KIR3DL2: variants seen among roughly 807,000 people sequenced by gnomAD.
KIR3DL2 encodes killer cell immunoglobulin like receptor, three Ig domains and long cytoplasmic tail 2.
A neutral mutation model predicts 41.6 loss-of-function variants in KIR3DL2; 42 were observed. That is an observed-to-expected ratio of 1.01 (90% confidence interval 0.79 to 1.31). The LOEUF (loss-of-function observed/expected upper bound fraction) is 1.31, where lower values mean the gene tolerates loss of function less well. KIR3DL2 is among the 50% of genes most tolerant of loss of function. The probability of loss-of-function intolerance (pLI) is 0.00; values close to 1 mark genes in which losing one functional copy is unlikely to be tolerated. For missense variants in KIR3DL2, 728 were observed against 576.8 expected (o/e 1.26, Z -2.68); for synonymous variants, 230 against 221.3 (o/e 1.04, Z -0.35).
At chr19:54,858,782 C>T (rs201949114) in intron 5 of KIR3DL2, among the ~76,000 whole-genome samples, 5,627 of 151,980 alleles carry the variant, frequency 0.037, 291 homozygotes, top group African/African-American at 0.12. Flanking sequence ...TCTGTGTTCT[C>T]CATTCTGTTC....
chr19:54,866,249 GATGT>G (rs2065505093), intron 7 of KIR3DL2, 117 bp from the exon 8 acceptor site: 1 of 950,278 alleles, frequency 1.1e-6, no homozygotes, highest in Non-Finnish European at 1.7e-6. Flanking sequence ...TCTGAGTCTG[GATGT>G]TGGCAGCTGA....
intron 3 of KIR3DL2, 49 bp from the exon 4 acceptor site, chr19:54,853,698 T>A (rs2064484883): frequency 6.3e-7 from 1 of 1,582,964 alleles, no homozygotes; most frequent in Admixed American, 1.7e-5. Context: ...GTGCCATGGA[T>A]GGGATGATAA....
At chr19:54,865,676 G>A in intron 6 of KIR3DL2, 129 bp from the exon 7 acceptor site, 1 of 773,580 alleles carries the variant, frequency 1.3e-6, no homozygotes, top group South Asian at 1.6e-5. Flanking sequence ...AGAAAGCTGG[G>A]TCTCCCGCCA....
At chr19:54,858,944 GAGAA>G in intron 5 of KIR3DL2, 131 bp from the exon 6 acceptor site, 3 of 990,716 alleles carry the variant, frequency 3.0e-6, no homozygotes, top group Non-Finnish European at 4.7e-6. Context: ...AAAAATTATG[GAGAA>G]AAGGATCCCA....
At chr19:54,857,542 A>ATTTATTTATTTATTT (rs1569523841) in intron 5 of KIR3DL2, among the ~76,000 whole-genome samples, 2 of 147,738 alleles carry the variant, frequency 1.4e-5, no homozygotes, top group African/African-American at 5.0e-5. Flanking sequence ...ATTTTACTTT[A>ATTTATTTATTTATTT]CTTTATTTAT....
At chr19:54,858,489 G>A (rs1291665922) in intron 5 of KIR3DL2, among the ~76,000 whole-genome samples, 1 of 150,002 alleles carries the variant, frequency 6.7e-6, no homozygotes, top group Non-Finnish European at 1.5e-5. Flanking sequence ...AGCACTTTGG[G>A]AGGCCGAGGC....
At chr19:54,861,786 A>C (rs2065197649) in intron 6 of KIR3DL2, among the ~76,000 whole-genome samples, 1 of 151,776 alleles carries the variant, frequency 6.6e-6, no homozygotes, top group Non-Finnish European at 1.5e-5. Context: ...AATCAGCCTA[A>C]AACCTCTTCC....
intron 5 of KIR3DL2, among the ~76,000 whole-genome samples, chr19:54,857,240 C>T (rs1464799251): frequency 6.6e-6 from 1 of 151,418 alleles, no homozygotes; most frequent in African/African-American, 2.4e-5. Context: ...CAGGTGCACG[C>T]CACCATGCCT....
At chr19:54,862,977 G>T (rs889939608) in intron 6 of KIR3DL2, among the ~76,000 whole-genome samples, 25 of 146,624 alleles carry the variant, frequency 1.7e-4, no homozygotes, top group Middle Eastern at 3.4e-3. Context: ...TTAGCATTAG[G>T]TATATCTCCT....
At chr19:54,857,410 A>T (rs11668926) in intron 5 of KIR3DL2, among the ~76,000 whole-genome samples, 54,214 of 148,088 alleles carry the variant, frequency 0.37, 9,420 homozygotes, top group South Asian at 0.41. Context: ...TTTTTTAAAG[A>T]TTTTCCATAC....
chr19:54,851,169 G>T, intron 1 of KIR3DL2, 51 bp from the exon 2 acceptor site: 2 of 1,603,570 alleles, frequency 1.2e-6, no homozygotes, highest in Non-Finnish European at 8.5e-7. Context: ...GGGCAGCAGG[G>T]TGCCCTGGTT....
Position 54,855,851 on chromosome 19 carries a change from T to C in KIR3DL2, c.888T>C (p.Ser296=). 6.2e-7 allele frequency: 1 copy of C among 1,613,612 alleles called. No individual in the cohort carries two copies. The highest frequency in any genetic ancestry group is 1.1e-5 in the South Asian group (1 of 91,082). Residue 296 remains serine, a synonymous_variant, in exon 5 of 9, where the codon TCT becomes TCC. Coordinates refer to ENST00000326321, the MANE Select transcript of KIR3DL2 (RefSeq NM_006737.4). The part of the protein sequence containing the change: ...THGGTYRCFG[S]FRALPCVWSN... ...GAGGGACCTACAGATGCTTCGGCTC[T>C]TTCCGTGCCCTGCCCTGCGTGTGGT...
At position 54,866,685 on chromosome 19, in the gene KIR3DL2, T is replaced by C. The variant is rs756328061; in HGVS notation, c.1322T>C (p.Val441Ala). The C allele has an allele frequency of 1.8e-5, 29 of 1,613,814 alleles. No individual in the cohort carries two copies. Among genetic ancestry groups the C allele is most frequent in the Non-Finnish European group, 2.2e-5 (26 of 1,179,966 alleles). The stretch of plus-strand genomic sequence containing the variant: ...AATGCTGAGCCCAGATCCAAAGTTG[T>C]CTCCTGCCCACGAGCACCACAGTCA... ...LPNAEPRSKV[V>A]SCPRAPQSGL... Residue 441 changes from valine (V) to alanine (A), a missense_variant, in exon 9 of 9, where the codon GTC becomes GCC. Coordinates refer to ENST00000326321, the MANE Select transcript of KIR3DL2 (RefSeq NM_006737.4).
At chr19:54,864,475 C>G (rs991990459) in intron 6 of KIR3DL2, among the ~76,000 whole-genome samples, 1 of 152,044 alleles carries the variant, frequency 6.6e-6, no homozygotes, top group Non-Finnish European at 1.5e-5. Flanking sequence ...GATCTTGATT[C>G]TTCCTACCCA....
At chr19:54,861,671 A>G (rs1402925391) in intron 6 of KIR3DL2, among the ~76,000 whole-genome samples, 1 of 151,500 alleles carries the variant, frequency 6.6e-6, no homozygotes, top group Admixed American at 6.6e-5. Context: ...TAAAAAATAC[A>G]TAAATATAAT....
chr19:54,854,120 G>C (rs537025929), intron 4 of KIR3DL2, 74 bp downstream of exon 4: 1 of 1,515,484 alleles, frequency 6.6e-7, no homozygotes, highest in Non-Finnish European at 9.1e-7. Flanking sequence ...GAACCCCCAG[G>C]TGGTCATGAG....
chr19:54,859,063 C>T lies in KIR3DL2; in HGVS notation c.950-16C>T. 3 of 1,613,542 alleles carry T rather than the reference C, an allele frequency of 1.9e-6. No homozygotes were observed. The highest frequency in any genetic ancestry group is 1.7e-6 in the Non-Finnish European group (2 of 1,179,598). On this transcript the variant is annotated splice_polypyrimidine_tract_variant and intron_variant, in intron 5 of 8. Transcript: ENST00000326321. ...GCACCCTCATTTCCTCACATCTCTCCTGTCCCGTGTTCTAGGAAACCCTTC... is the reference window on the plus strand; with the variant it reads ...GCACCCTCATTTCCTCACATCTCTCTTGTCCCGTGTTCTAGGAAACCCTTC...
chr19:54,859,314 T>A (rs375739598), intron 6 of KIR3DL2, among the ~76,000 whole-genome samples, 185 bp downstream of exon 6: 1,584 of 151,222 alleles, frequency 0.01, 23 homozygotes, highest in Admixed American at 0.033. Flanking sequence ...GAAGTCTCTT[T>A]ACCTTTAATT....
chr19:54,866,239 T>C (rs878886561), intron 7 of KIR3DL2, 131 bp from the exon 8 acceptor site: 1 of 880,612 alleles, frequency 1.1e-6, no homozygotes. Flanking sequence ...AGATAGAATG[T>C]CTGAGTCTGG....
Sources: gnomAD v4.1 joint callset for allele counts (sites outside exome capture counted in the v4.1 genomes callset) on GRCh38, gnomAD v4.1.1 for gene constraint, MANE v1.5 for transcripts, NCBI Gene and HGNC (gene_info 2026-07-23, HGNC 2026-07-21) for gene names.